The following WDPCP variants were observed in gnomAD, a reference collection of about 807,000 sequenced individuals.
The protein encoded by WDPCP is WD repeat containing planar cell polarity effector, also known as WD repeat-containing and planar cell polarity effector protein fritz homolog.
WDPCP carries 71 observed loss-of-function variants against 93.1 expected under a neutral mutation model. The observed-to-expected ratio is 0.76, with a 90% CI of 0.63 to 0.93. The LOEUF (loss-of-function observed/expected upper bound fraction) is 0.93. WDPCP is among the 40% of genes least tolerant of loss of function. The pLI is 0.00. For synonymous variants in WDPCP, 315 were observed against 315.0 expected (o/e 1.00, Z 0.00); for missense variants, 844 against 887.4 (o/e 0.95, Z 0.62).
At chr2:63,329,233 C>T (rs561066101) in intron 12 of WDPCP, among the ~76,000 whole-genome samples, 1 of 152,102 alleles carries the variant, frequency 6.6e-6, no homozygotes, top group Non-Finnish European at 1.5e-5. Context: ...TATTCTACTC[C>T]ATGTTTCTAT....
chr2:63,180,384 C>G (rs1674152318), intron 14 of WDPCP, among the ~76,000 whole-genome samples: 1 of 152,146 alleles, frequency 6.6e-6, no homozygotes, highest in African/African-American at 2.4e-5. Context: ...TTATTCCATA[C>G]TTTATGTCCA....
At chr2:63,580,277 A>T (rs1708410821) in intron 1 of WDPCP, among the ~76,000 whole-genome samples, 1 of 152,218 alleles carries the variant, frequency 6.6e-6, no homozygotes, top group Non-Finnish European at 1.5e-5. Context: ...TAATTGATTC[A>T]GGCAAAAATA....
intron 6 of WDPCP, among the ~76,000 whole-genome samples, chr2:63,480,815 C>A (rs1164697941): frequency 1.3e-5 from 2 of 152,162 alleles, no homozygotes; most frequent in African/African-American, 4.8e-5. Context: ...CCCCTCTAGA[C>A]ATTGGCTTAG....
chr2:63,533,010 G>A (rs931537531), intron 1 of WDPCP, among the ~76,000 whole-genome samples: 3 of 152,152 alleles, frequency 2.0e-5, no homozygotes, highest in African/African-American at 7.2e-5. Flanking sequence ...AAGGGATGGA[G>A]GAAGATCTAC....
chr2:63,362,082 T>A (rs1690505727), intron 12 of WDPCP, among the ~76,000 whole-genome samples: 1 of 152,148 alleles, frequency 6.6e-6, no homozygotes, highest in Non-Finnish European at 1.5e-5. Context: ...ATGTTTCACT[T>A]CTCTTCTAGC....
chr2:63,521,652 G>C (rs1300745750), intron 1 of WDPCP, among the ~76,000 whole-genome samples: 1 of 152,092 alleles, frequency 6.6e-6, no homozygotes, highest in Non-Finnish European at 1.5e-5. Flanking sequence ...TTTGGGACCT[G>C]AACTCAACAC....
intron 2 of WDPCP, among the ~76,000 whole-genome samples, chr2:63,490,215 A>G (rs578136627): frequency 4.1e-4 from 63 of 152,266 alleles, no homozygotes; most frequent in African/African-American, 1.3e-3. Flanking sequence ...CTAAAAAAAG[A>G]ACAATGATGG....
chr2:63,343,011 G>GT (rs1217637780), intron 12 of WDPCP, among the ~76,000 whole-genome samples: 1 of 147,534 alleles, frequency 6.8e-6, no homozygotes, highest in Admixed American at 6.8e-5. Flanking sequence ...TTTGTTGTTG[G>GT]TTTTTTTCTT....
chr2:63,537,928 T>C (rs1425137606), intron 1 of WDPCP, among the ~76,000 whole-genome samples: 1 of 152,246 alleles, frequency 6.6e-6, no homozygotes, highest in Non-Finnish European at 1.5e-5. Context: ...TGCTGTCAGA[T>C]AAATTAATCA....
chr2:63,484,216 A>G (rs1406203363), intron 6 of WDPCP, among the ~76,000 whole-genome samples: 1 of 151,986 alleles, frequency 6.6e-6, no homozygotes, highest in Non-Finnish European at 1.5e-5. Context: ...TGCATAAGCA[A>G]TGATATTCAC....
intron 2 of WDPCP, among the ~76,000 whole-genome samples, chr2:63,716,939 T>C (rs1363413404): frequency 2.0e-5 from 3 of 152,236 alleles, no homozygotes; most frequent in Non-Finnish European, 4.4e-5. Flanking sequence ...CAGTGCTACA[T>C]GTACTGAACT....
intron 12 of WDPCP, among the ~76,000 whole-genome samples, chr2:63,325,343 G>A (rs532365336): frequency 2.0e-5 from 3 of 152,168 alleles, no homozygotes; most frequent in Non-Finnish European, 2.9e-5. Flanking sequence ...GGCAATCACT[G>A]GAAGGCACAC....
chr2:63,215,549 A>G (rs1677249583), intron 14 of WDPCP, among the ~76,000 whole-genome samples: 1 of 152,230 alleles, frequency 6.6e-6, no homozygotes, highest in Non-Finnish European at 1.5e-5. Context: ...ACCTTATACA[A>G]AAATTAATTC....
At chr2:63,325,891 G>C (rs1224846116) in intron 12 of WDPCP, among the ~76,000 whole-genome samples, 1 of 152,220 alleles carries the variant, frequency 6.6e-6, no homozygotes, top group Non-Finnish European at 1.5e-5. Context: ...GTCAGAGAGA[G>C]AGCACGGATA....
chr2:63,791,316 T>C (rs1575774057), intron 2 of WDPCP, among the ~76,000 whole-genome samples: 1 of 152,350 alleles, frequency 6.6e-6, no homozygotes, highest in East Asian at 1.9e-4. Context: ...CGCTGCCATG[T>C]TGGCTCAGTT....
intron 13 of WDPCP, among the ~76,000 whole-genome samples, chr2:63,275,760 C>T (rs963121339): frequency 6.6e-6 from 1 of 152,162 alleles, no homozygotes; most frequent in African/African-American, 2.4e-5. Context: ...GAAAGACATC[C>T]CATACTCATG....
At chr2:63,441,716 A>G (rs1222194478) in intron 6 of WDPCP, 1 of 152,074 alleles carries the variant, frequency 6.6e-6, no homozygotes, top group African/African-American at 2.4e-5. Context: ...TCAAGCATCT[A>G]GCCCATGCTT....
At chr2:63,618,122 T>G (rs1335731115) in intron 3 of WDPCP, among the ~76,000 whole-genome samples, 2 of 152,270 alleles carry the variant, frequency 1.3e-5, no homozygotes, top group Non-Finnish European at 2.9e-5. Context: ...GAGGGGCTTA[T>G]GTAAATATAC....
chr2:63,589,063 G>A (rs1010137049), upstream of WDPCP: 1 of 1,613,950 alleles, frequency 6.2e-7, no homozygotes, highest in Non-Finnish European at 8.5e-7. Context: ...GTGGGCCCCG[G>A]GTTCCTGCCC....
Sources: allele counts gnomAD v4.1 joint callset (sites outside exome capture counted in the v4.1 genomes callset), GRCh38; gene constraint gnomAD v4.1.1; transcripts MANE v1.5; gene names NCBI Gene and HGNC (gene_info 2026-07-23, HGNC 2026-07-21).